ZNF382: variants seen among roughly 807,000 people sequenced by gnomAD.
The protein encoded by ZNF382 is KRAB/zinc finger suppressor protein 1.
ZNF382 carries 20 observed loss-of-function variants against 38.8 expected under a neutral mutation model. The observed-to-expected ratio is 0.51, with a 90% CI of 0.36 to 0.75. ZNF382 has a LOEUF of 0.75. Ranked by LOEUF, ZNF382 falls within the 30% of genes least tolerant of loss-of-function variation. The pLI is 0.00. For synonymous variants in ZNF382, 202 were observed against 223.1 expected (o/e 0.91, Z 0.84); for missense variants, 546 against 654.1 (o/e 0.83, Z 1.80).
At chr19:36,624,846 T>C (rs1484196532) in intron 4 of ZNF382, among the ~76,000 whole-genome samples, 1 of 151,178 alleles carries the variant, frequency 6.6e-6, no homozygotes, top group East Asian at 2.0e-4. Context: ...TGGAAGATCA[T>C]TTGAGGCCAG....
At chr19:36,621,215 C>T (rs983235860) in intron 4 of ZNF382, among the ~76,000 whole-genome samples, 5 of 151,760 alleles carry the variant, frequency 3.3e-5, no homozygotes, top group African/African-American at 1.2e-4. Context: ...AATATCTTTA[C>T]ATCTTCTTAT....
chr19:36,621,895 T>G (rs2037173601), intron 4 of ZNF382, among the ~76,000 whole-genome samples: 1 of 152,186 alleles, frequency 6.6e-6, no homozygotes, highest in South Asian at 2.1e-4. Context: ...GGATACTATA[T>G]GTTCCATATA....
intron 4 of ZNF382, among the ~76,000 whole-genome samples, chr19:36,621,325 T>G (rs1053154317): frequency 6.9e-4 from 24 of 34,554 alleles, no homozygotes; most frequent in African/African-American, 2.0e-3. Context: ...TTTTCCCTAG[T>G]TTTTTTTTTT....
At chr19:36,606,845 A>G (rs760704005) in intron 1 of ZNF382, among the ~76,000 whole-genome samples, 24 of 152,184 alleles carry the variant, frequency 1.6e-4, no homozygotes, top group Admixed American at 1.4e-3. Flanking sequence ...TGGGAGGCCA[A>G]GGTGGGCAGA....
intron 4 of ZNF382, among the ~76,000 whole-genome samples, chr19:36,621,907 A>G (rs1231016835): frequency 6.6e-6 from 1 of 152,156 alleles, no homozygotes; most frequent in African/African-American, 2.4e-5. Flanking sequence ...TTCCATATAT[A>G]CTTGCAAAAT....
rs570527855 is a variant in ZNF382 at position 36,607,981 on chromosome 19, CACAA to C, written c.-14+366_-14+369del. Reference sequence around the variant, plus strand: ...TCATCATCTCCTTTCTCAGTCTTCTCACAAACAAACTGCTGGAATAGAAAGGTAT... The same window carrying C: ...TCATCATCTCCTTTCTCAGTCTTCTCACAAACTGCTGGAATAGAAAGGTAT... On this transcript the variant is annotated intron_variant, in intron 2 of 4. Coordinates refer to ENST00000292928, the MANE Select transcript of ZNF382 (RefSeq NM_032825.5). 47 of 223,610 alleles carry C rather than the reference CACAA, an allele frequency of 2.1e-4. 2 individuals carry two copies. The South Asian group carries it at 6.7e-3, about 32-fold the overall frequency. 13.9% of individuals were successfully genotyped at this position (223,610 alleles called of 1,614,324 possible).
rs1190907953 is a variant in ZNF382 at position 36,633,528 on chromosome 19, T to C, written c.*5978T>C. ...GGTAAAGCCGGTCTGGAAAACAATA[T>C]GCCAGTCTCAAAAAGTTACACATCC... On this transcript the variant is annotated 3_prime_UTR_variant, in exon 5 of 5. Transcript: ENST00000292928. 6.6e-6 allele frequency: 1 copy of C among 152,140 alleles called. No individual in the cohort carries two copies. Among genetic ancestry groups the C allele is most frequent in the African/African-American group, 2.4e-5 (1 of 41,446 alleles). 9.4% of individuals were successfully genotyped at this position (152,140 alleles called of 1,614,324 possible). A position where few individuals can be genotyped will look rare whatever the true frequency, so the allele number is the denominator to read the frequency against.
intron 4 of ZNF382, among the ~76,000 whole-genome samples, chr19:36,616,844 G>T (rs2037129864): frequency 6.6e-6 from 1 of 152,068 alleles, no homozygotes. Context: ...CCAATGTGGG[G>T]CAGGGCACCT....
intron 4 of ZNF382, among the ~76,000 whole-genome samples, chr19:36,619,954 A>G (rs535258075): frequency 8.5e-5 from 13 of 152,224 alleles, no homozygotes; most frequent in East Asian, 7.7e-4. Flanking sequence ...GATGGTCTCT[A>G]TCTCCTGACC....
At chr19:36,607,702 C>A in intron 2 of ZNF382, 80 bp downstream of exon 2, 1 of 1,344,208 alleles carries the variant, frequency 7.4e-7, no homozygotes, top group Non-Finnish European at 9.8e-7. Flanking sequence ...CTTTAACCTT[C>A]CCTGATATTG....
At chr19:36,619,729 G>GTT (rs66531552) in intron 4 of ZNF382, among the ~76,000 whole-genome samples, 4 of 147,924 alleles carry the variant, frequency 2.7e-5, no homozygotes, top group Non-Finnish European at 3.0e-5. Context: ...AATTAAAAGA[G>GTT]TTTTTTTTTT....
At chr19:36,623,371 G>A (rs1012954952) in intron 4 of ZNF382, among the ~76,000 whole-genome samples, 2 of 152,156 alleles carry the variant, frequency 1.3e-5, no homozygotes, top group African/African-American at 4.8e-5. Context: ...TTATCAAATT[G>A]AGGACTTTAC....
chr19:36,616,525 G>C (rs1366667455), intron 4 of ZNF382, among the ~76,000 whole-genome samples: 2 of 152,178 alleles, frequency 1.3e-5, no homozygotes, highest in Non-Finnish European at 2.9e-5. Flanking sequence ...CAGTAAAATA[G>C]TATTACACTC....
At chr19:36,615,346 A>G (rs2037117804) in intron 4 of ZNF382, among the ~76,000 whole-genome samples, 1 of 152,196 alleles carries the variant, frequency 6.6e-6, no homozygotes, top group Non-Finnish European at 1.5e-5. Context: ...ACCTTTTAAC[A>G]GAGTAAACTA....
In ZNF382 at chr19:36,633,957, G is replaced by A. The variant is rs781651577; in HGVS notation, c.*6407G>A. 1 of 152,152 alleles carries A rather than the reference G, an allele frequency of 6.6e-6. No individual in the cohort carries two copies. The highest frequency in any genetic ancestry group is 1.5e-5 in the Non-Finnish European group (1 of 68,018). The allele number at this position is 152,152 out of a possible 1,614,324, so 9.4% of individuals were successfully genotyped here. ...GGGTCTGAATACAGAGGGGTTGCAC[G>A]AGGCAATTCTTTGAGGTGTTGGAAT... On this transcript the variant is annotated 3_prime_UTR_variant, in exon 5 of 5. Transcript: ENST00000292928.
chr19:36,607,095 A>G (rs2037038217), intron 1 of ZNF382, among the ~76,000 whole-genome samples: 1 of 151,660 alleles, frequency 6.6e-6, no homozygotes, highest in African/African-American at 2.4e-5. Flanking sequence ...AAAAAAAAAA[A>G]GATTATTCTC....
Position 36,626,147 on chromosome 19 carries a change from G to C in ZNF382, c.250G>C (p.Glu84Gln). Residue 84 changes from glutamate to glutamine, a missense_variant, in exon 5 of 5, where the codon GAA becomes CAA. By Grantham distance (29) the Glu-to-Gln change is conservative. Coordinates refer to ENST00000292928, the MANE Select transcript of ZNF382 (RefSeq NM_032825.5). Reference protein sequence around the residue: ...YSYLEEDGKTEDVLVKFKEYQ... With the variant: ...YSYLEEDGKTQDVLVKFKEYQ... Reference sequence around the variant, plus strand: ...TTTTCTAGAAGAAGATGGGAAAACTGAAGATGTCTTAGTGAAGTTCAAAGA... The same window carrying C: ...TTTTCTAGAAGAAGATGGGAAAACTCAAGATGTCTTAGTGAAGTTCAAAGA... 1 of 1,545,478 alleles carries C rather than the reference G, an allele frequency of 6.5e-7. No individual in the cohort carries two copies. Among genetic ancestry groups the C allele is most frequent in the Non-Finnish European group, 8.7e-7 (1 of 1,153,066 alleles).
intron 4 of ZNF382, among the ~76,000 whole-genome samples, chr19:36,612,233 C>G (rs2037083355): frequency 6.6e-6 from 1 of 152,162 alleles, no homozygotes; most frequent in African/African-American, 2.4e-5. Flanking sequence ...TTTTTCATGT[C>G]TGCTTTCTTT....
intron 4 of ZNF382, among the ~76,000 whole-genome samples, chr19:36,624,080 C>CT (rs1305493750): frequency 6.6e-6 from 1 of 150,948 alleles, no homozygotes; most frequent in Non-Finnish European, 1.5e-5. Context: ...CAGAGTGAGA[C>CT]TTTGTCTCAA....
Sources: gnomAD v4.1 joint callset for allele counts (sites outside exome capture counted in the v4.1 genomes callset) on GRCh38, gnomAD v4.1.1 for gene constraint, MANE v1.5 for transcripts, NCBI Gene and HGNC (gene_info 2026-07-23, HGNC 2026-07-21) for gene names.